The following ANK2 variants were observed in gnomAD, a reference collection of about 807,000 sequenced individuals.
ANK2 encodes the protein ankyrin 2.
ANK2 carries 83 observed loss-of-function variants against 360.5 expected under a neutral mutation model. That is an observed-to-expected ratio of 0.23 (90% confidence interval 0.19 to 0.28). ANK2 has a LOEUF of 0.28. Ranked by LOEUF, ANK2 falls within the 10% of genes least tolerant of loss-of-function variation. The pLI, the probability that ANK2 is intolerant of heterozygous loss-of-function variation, is 1.00. For missense variants in ANK2, 4,201 were observed against 4,795.7 expected, an observed-to-expected ratio of 0.88 and a Z score of 3.66; for synonymous variants, 1,740 against 1,759.5, an observed-to-expected ratio of 0.99 and a Z score of 0.28.
chr4:113,066,067 C>T (rs2075485630), intron 1 of ANK2, among the ~76,000 whole-genome samples: 1 of 152,092 alleles, frequency 6.6e-6, no homozygotes, highest in Non-Finnish European at 1.5e-5. Flanking sequence ...TATGAGGAAA[C>T]AATATTTGGG....
At chr4:112,810,126 T>TGC in the ANK2 span, among the ~76,000 whole-genome samples, 1 of 45,736 alleles carries the variant, frequency 2.2e-5, no homozygotes, top group South Asian at 9.8e-4. Flanking sequence ...ATTTTTTGTG[T>TGC]ATATATATAT....
chr4:112,836,615 C>T (rs551323787), intron 1 of ANK2, among the ~76,000 whole-genome samples: 1 of 152,278 alleles, frequency 6.6e-6, no homozygotes, highest in Admixed American at 6.5e-5. Flanking sequence ...CTGAGGTGGT[C>T]TCATATGGAG....
chr4:113,190,173 A>G (rs1344470772), intron 2 of ANK2, among the ~76,000 whole-genome samples: 1 of 151,848 alleles, frequency 6.6e-6, no homozygotes, highest in African/African-American at 2.4e-5. Flanking sequence ...TTATTTACTT[A>G]TTTTGAGGCA....
At chr4:113,286,610 T>C (rs888850826) in intron 18 of ANK2, among the ~76,000 whole-genome samples, 1 of 152,166 alleles carries the variant, frequency 6.6e-6, no homozygotes, top group African/African-American at 2.4e-5. Context: ...ACAGGGCTGG[T>C]CAATTTTAAT....
At chr4:112,854,095 G>T (rs914143901) in intron 1 of ANK2, among the ~76,000 whole-genome samples, 1 of 152,186 alleles carries the variant, frequency 6.6e-6, no homozygotes, top group African/African-American at 2.4e-5. Flanking sequence ...CTATAGATGA[G>T]GAGGAATGGG....
At chr4:113,281,532 T>A (rs146557223) in intron 17 of ANK2, among the ~76,000 whole-genome samples, 2 of 152,078 alleles carry the variant, frequency 1.3e-5, no homozygotes, top group Non-Finnish European at 2.9e-5. Context: ...GAGCCATACC[T>A]TGTCTCAACA....
At chr4:113,282,917 T>G (rs777828102) in intron 18 of ANK2, 45 bp downstream of exon 18, 4 of 1,595,664 alleles carry the variant, frequency 2.5e-6, no homozygotes, top group Non-Finnish European at 3.4e-6. Context: ...TTTGGATGCA[T>G]GTAAACAGGA....
chr4:113,216,816 G>C (rs2099090178), intron 4 of ANK2, among the ~76,000 whole-genome samples: 1 of 152,114 alleles, frequency 6.6e-6, no homozygotes, highest in Non-Finnish European at 1.5e-5. Context: ...AAAGTTATTG[G>C]GGCCCAATTT....
At chr4:113,245,769 T>A (rs1057493975) in intron 9 of ANK2, among the ~76,000 whole-genome samples, 3 of 152,196 alleles carry the variant, frequency 2.0e-5, no homozygotes, top group Admixed American at 6.5e-5. Flanking sequence ...GTTTTGACTA[T>A]ATTTTTAGAG....
At chr4:112,705,817 G>T in the ANK2 span, among the ~76,000 whole-genome samples, 618 of 152,324 alleles carry the variant, frequency 4.1e-3, 2 homozygotes, top group Middle Eastern at 6.8e-3. Flanking sequence ...CCGGCAGCTC[G>T]CACTTTCAGA....
chr4:113,287,467 A>G (rs2065243410), intron 18 of ANK2, 138 bp from the exon 19 acceptor site: 2 of 728,896 alleles, frequency 2.7e-6, no homozygotes, highest in African/African-American at 1.8e-5. Context: ...CTTGAATATC[A>G]GAAGATATAG....
At chr4:113,374,673 G>A (rs550032357) in intron 45 of ANK2, 28 of 866,552 alleles carry the variant, frequency 3.2e-5, no homozygotes, top group Non-Finnish European at 4.0e-5. Context: ...TAACTTTATA[G>A]TTTTGTCCTT....
Position 112,970,128 on chromosome 4 carries a change from C to T in ANK2, c.21+65614C>T, listed in dbSNP as rs146807626. Among the ~76,000 whole-genome samples, 977 of 150,608 alleles carry T rather than the reference C, an allele frequency of 6.5e-3. 10 individuals are homozygous for T. The highest frequency in any genetic ancestry group is 0.022 in the African/African-American group (901 of 41,002). On this transcript the variant is annotated intron_variant, in intron 2 of 30. Transcript: ENST00000503271. ...CCTCCCAAGTAGCTGGGATTACAGGCGCCTGCCACCACACCAGTTTAATTT... is the reference window on the plus strand; with the variant it reads ...CCTCCCAAGTAGCTGGGATTACAGGTGCCTGCCACCACACCAGTTTAATTT...
the ANK2 span, chr4:112,797,855 T>G: frequency 6.5e-6 from 1 of 153,202 alleles, no homozygotes; most frequent in African/African-American, 2.4e-5. Flanking sequence ...TACTGTTCTT[T>G]AGCCTTACTT....
chr4:113,030,290 A>G (rs1330504135), intron 2 of ANK2, among the ~76,000 whole-genome samples: 1 of 152,108 alleles, frequency 6.6e-6, no homozygotes, highest in Non-Finnish European at 1.5e-5. Flanking sequence ...TTCTTAAACA[A>G]GGTGGTCATC....
At chr4:113,157,119 T>C (rs1279998481) in intron 1 of ANK2, among the ~76,000 whole-genome samples, 1 of 152,128 alleles carries the variant, frequency 6.6e-6, no homozygotes, top group Non-Finnish European at 1.5e-5. Flanking sequence ...CTTCAATCAA[T>C]TTGGGAGAGA....
At chr4:112,794,894 G>T in the ANK2 span, among the ~76,000 whole-genome samples, 2 of 152,298 alleles carry the variant, frequency 1.3e-5, no homozygotes, top group Admixed American at 6.5e-5. Flanking sequence ...GAGCGTAATA[G>T]AATAGAATGA....
intron 2 of ANK2, 53 bp from the exon 3 acceptor site, chr4:113,196,315 A>T: frequency 8.2e-7 from 1 of 1,222,588 alleles, no homozygotes; most frequent in Non-Finnish European, 1.2e-6. Context: ...GGATCAGGGC[A>T]CTATTTTCCT....
intron 1 of ANK2, among the ~76,000 whole-genome samples, chr4:112,895,255 A>G (rs1178191828): frequency 1.3e-5 from 2 of 152,234 alleles, no homozygotes; most frequent in South Asian, 2.1e-4. Flanking sequence ...CCAAAAAACC[A>G]GACATATTAG....
Sources: allele counts gnomAD v4.1 joint callset (sites outside exome capture counted in the v4.1 genomes callset), GRCh38; gene constraint gnomAD v4.1.1; transcripts MANE v1.5; gene names NCBI Gene and HGNC (gene_info 2026-07-23, HGNC 2026-07-21).